The following EXOSC4 variants were observed in gnomAD, a reference collection of about 807,000 sequenced individuals.
The protein encoded by EXOSC4 is exosome component 4, also known as exosome complex component RRP41.
In EXOSC4, 14 loss-of-function variants were observed where a neutral mutation model predicts 20.0. The ratio of observed to expected loss-of-function variants is 0.70; its 90% CI spans 0.46 to 1.09. The LOEUF is 1.09. EXOSC4 is among the 50% of genes least tolerant of loss of function. The pLI is 0.00. For missense variants in EXOSC4, 337 were observed against 334.0 expected (o/e 1.01, Z -0.07); for synonymous variants, 148 against 146.4 (o/e 1.01, Z -0.08).
chr8:144,075,226 T>C (rs146406693), upstream of EXOSC4, among the ~76,000 whole-genome samples: 7,572 of 150,166 alleles, frequency 0.05, 714 homozygotes, highest in African/African-American at 0.18. Flanking sequence ...CCATGTCCAG[T>C]TAATTTTTTT....
intron 1 of EXOSC4, chr8:144,079,647 A>G (rs902982590): frequency 5.4e-6 from 3 of 552,104 alleles, no homozygotes; most frequent in Admixed American, 2.5e-5. Flanking sequence ...ATGTAATGTG[A>G]AACCTTTGTA....
At chr8:144,076,267 C>T (rs1235956147), upstream of EXOSC4, among the ~76,000 whole-genome samples, 1 of 152,222 alleles carries the variant, frequency 6.6e-6, no homozygotes. Flanking sequence ...CAGCTCACGC[C>T]TGATTTCCTG....
chr8:144,074,065 C>A (rs117715888), upstream of EXOSC4, among the ~76,000 whole-genome samples: 1 of 152,154 alleles, frequency 6.6e-6, no homozygotes, highest in African/African-American at 2.4e-5. Flanking sequence ...AAGGAGTTGG[C>A]GCTCGAGAAA....
chr8:144,074,228 C>A (rs1259510914), upstream of EXOSC4, among the ~76,000 whole-genome samples: 1 of 152,218 alleles, frequency 6.6e-6, no homozygotes, highest in Non-Finnish European at 1.5e-5. Flanking sequence ...AAAACTGTCT[C>A]TTCCCCCTGC....
the EXOSC4 span, among the ~76,000 whole-genome samples, chr8:144,065,672 T>G: frequency 6.6e-6 from 1 of 152,114 alleles, no homozygotes; most frequent in Middle Eastern, 3.4e-3. Flanking sequence ...GAGGCAGAGG[T>G]TGCAGTGAGC....
In EXOSC4 at chr8:144,079,945, C is replaced by A. The variant is rs782321329; in HGVS notation, c.174C>A (p.Ile58=). The part of the protein sequence containing the change: ...ALAVVYGPHE[I]RGSRARALPD... Reference sequence around the variant, plus strand: ...CTCATGTGTCTGTCCTCTTCCAGATCCGGGGCTCCCGGGCTCGAGCCCTGC... The same window carrying A: ...CTCATGTGTCTGTCCTCTTCCAGATACGGGGCTCCCGGGCTCGAGCCCTGC... The change falls in exon 2 of 3, where the codon ATC becomes ATA. Residue 58 remains isoleucine, a splice_region_variant and synonymous_variant. Transcript: ENST00000316052. 5 of 1,613,830 alleles carry A rather than the reference C, an allele frequency of 3.1e-6. No individual in the cohort carries two copies. The highest frequency in any genetic ancestry group is 4.2e-6 in the Non-Finnish European group (5 of 1,180,004).
chr8:144,076,042 G>T (rs1264600741), upstream of EXOSC4, among the ~76,000 whole-genome samples: 1 of 152,200 alleles, frequency 6.6e-6, no homozygotes, highest in Admixed American at 6.5e-5. Context: ...GTCTCACTGT[G>T]CCTAGACTGT....
the EXOSC4 span, among the ~76,000 whole-genome samples, chr8:144,068,350 C>G: frequency 1.3e-5 from 2 of 152,328 alleles, no homozygotes; most frequent in South Asian, 4.1e-4. Flanking sequence ...GACTGCAACC[C>G]TTTATGAGAA....
the EXOSC4 span, among the ~76,000 whole-genome samples, chr8:144,066,523 C>T: frequency 1.4e-5 from 2 of 147,196 alleles, no homozygotes; most frequent in African/African-American, 2.5e-5. Context: ...CTCACTGCAA[C>T]CTCCGACTCC....
the EXOSC4 span, among the ~76,000 whole-genome samples, chr8:144,068,102 C>T: frequency 2.6e-5 from 4 of 152,180 alleles, no homozygotes; most frequent in Admixed American, 1.3e-4. Context: ...CCTCAGATCA[C>T]GATAATGCCA....
upstream of EXOSC4, among the ~76,000 whole-genome samples, chr8:144,077,158 T>C (rs1455415276): frequency 1.3e-5 from 2 of 150,652 alleles, no homozygotes; most frequent in African/African-American, 2.4e-5. Context: ...GATAGAAGAA[T>C]CACTTGAACC....
chr8:144,065,675 C>A, the EXOSC4 span, among the ~76,000 whole-genome samples: 1 of 152,096 alleles, frequency 6.6e-6, no homozygotes, highest in Non-Finnish European at 1.5e-5. Context: ...GCAGAGGTTG[C>A]AGTGAGCTGA....
the EXOSC4 span, among the ~76,000 whole-genome samples, chr8:144,069,977 T>C: frequency 1.1e-4 from 16 of 152,304 alleles, no homozygotes; most frequent in African/African-American, 3.6e-4. Context: ...GCAGCAGTCC[T>C]TGAAACAAGG....
chr8:144,072,576 G>T, the EXOSC4 span, among the ~76,000 whole-genome samples: 8 of 152,278 alleles, frequency 5.3e-5, no homozygotes, highest in African/African-American at 1.7e-4. Context: ...ACCATTCCCA[G>T]TCTCTGGGGA....
upstream of EXOSC4, among the ~76,000 whole-genome samples, chr8:144,075,328 G>A (rs1587583461): frequency 1.3e-5 from 2 of 151,882 alleles, no homozygotes; most frequent in South Asian, 2.1e-4. Flanking sequence ...CTGGGTTCAC[G>A]CCATTCTCCT....
chr8:144,074,781 C>G (rs568686286), upstream of EXOSC4, among the ~76,000 whole-genome samples: 106 of 152,134 alleles, frequency 7.0e-4, no homozygotes, highest in African/African-American at 2.5e-3. Context: ...ACTATGTTGC[C>G]CAGGCTGGTC....
At chr8:144,067,902 A>T in the EXOSC4 span, among the ~76,000 whole-genome samples, 1 of 152,242 alleles carries the variant, frequency 6.6e-6, no homozygotes, top group Non-Finnish European at 1.5e-5. Context: ...GCTACTTGGG[A>T]GGCTGAGGCC....
At position 144,078,909 on chromosome 8, in the gene EXOSC4, C is replaced by G. The variant is rs202030055; in HGVS notation, c.171+10C>G. The G allele has an allele frequency of 1.4e-4, 210 of 1,452,776 alleles. 2 individuals carry two copies. The Middle Eastern group carries it at 2.5e-3, about 18-fold the overall frequency. The allele number at this position is 1,452,776 out of a possible 1,614,324, so 90.0% of individuals were successfully genotyped here. On this transcript the variant is annotated intron_variant, in intron 1 of 2. Transcript: ENST00000316052. The surrounding 1 kb of genome is among the most constrained non-coding windows in gnomAD (Gnocchi z 4.7). ...CTACGGCCCGCACGAGGCGAGTGGGCGCGCGGGATGGGGAATCGTGTGGCC... is the reference window on the plus strand; with the variant it reads ...CTACGGCCCGCACGAGGCGAGTGGGGGCGCGGGATGGGGAATCGTGTGGCC...
At position 144,080,626 on chromosome 8, in the gene EXOSC4, T is replaced by G. The variant is rs2129929404; in HGVS notation, c.*25T>G. 6.3e-7 allele frequency: 1 copy of G among 1,588,686 alleles called. No homozygotes were observed. Among genetic ancestry groups the G allele is most frequent in the African/African-American group, 1.3e-5 (1 of 74,862 alleles). ...ACCACCCAGCCACCCATGTCCAGAA[T>G]AAAACCCTCCTCTGCCCACACACCC... On this transcript the variant is annotated 3_prime_UTR_variant, in exon 3 of 3. Coordinates refer to ENST00000316052, the MANE Select transcript of EXOSC4 (RefSeq NM_019037.3). The surrounding 1 kb of genome is among the most constrained non-coding windows in gnomAD (Gnocchi z 4.9).
Sources: gnomAD v4.1 joint callset for allele counts (sites outside exome capture counted in the v4.1 genomes callset) on GRCh38, gnomAD v4.1.1 for gene constraint, Gnocchi (gnomAD v3.1) non-coding constraint, MANE v1.5 for transcripts, NCBI Gene and HGNC (gene_info 2026-07-23, HGNC 2026-07-21) for gene names.